RNF212B: variants seen among roughly 807,000 people sequenced by gnomAD.
The protein encoded by RNF212B is ring finger protein 212B.
A neutral mutation model predicts 55.5 loss-of-function variants in RNF212B; 52 were observed. The ratio of observed to expected loss-of-function variants is 0.94; its 90% CI spans 0.75 to 1.18. RNF212B has a LOEUF of 1.18. Ranked by LOEUF, RNF212B falls within the 50% of genes most tolerant of loss-of-function variation. The probability of loss-of-function intolerance (pLI) is 0.00; values close to 1 mark genes in which losing one functional copy is unlikely to be tolerated. For missense variants in RNF212B, 289 were observed against 350.4 expected (o/e 0.82, Z 1.40); for synonymous variants, 99 against 121.4 (o/e 0.82, Z 1.21).
intron 2 of RNF212B, among the ~76,000 whole-genome samples, chr14:23,218,990 G>C (rs1006132814): frequency 6.6e-6 from 1 of 152,204 alleles, no homozygotes; most frequent in African/African-American, 2.4e-5. Context: ...CAATATGTCT[G>C]GCAGCAGACT....
chr14:23,269,984 G>T (rs1158775760), intron 13 of RNF212B, 24 bp downstream of exon 13: 1 of 1,244,066 alleles, frequency 8.0e-7, no homozygotes, highest in Non-Finnish European at 1.2e-6. Context: ...CATTTCCAAA[G>T]GAATGGAGCT....
intron 2 of RNF212B, among the ~76,000 whole-genome samples, chr14:23,207,313 G>A (rs55813798): frequency 0.046 from 7,030 of 152,176 alleles, 550 homozygotes; most frequent in African/African-American, 0.16. Flanking sequence ...GTCTCAGGCT[G>A]TAGACTGCTC....
chr14:23,185,945 C>T (rs1036314293), intron 1 of RNF212B, among the ~76,000 whole-genome samples: 4 of 151,942 alleles, frequency 2.6e-5, no homozygotes, highest in African/African-American at 9.7e-5. Flanking sequence ...ACAAAAAATA[C>T]AAAAATTAGC....
intron 4 of RNF212B, among the ~76,000 whole-genome samples, chr14:23,248,510 C>T (rs1208306060): frequency 5.5e-5 from 8 of 145,706 alleles, no homozygotes; most frequent in African/African-American, 1.8e-4. Context: ...GGCACGATCT[C>T]GGCTCACTGC....
intron 9 of RNF212B, among the ~76,000 whole-genome samples, chr14:23,263,963 C>T: frequency 6.6e-6 from 1 of 152,046 alleles, no homozygotes; most frequent in Non-Finnish European, 1.5e-5. Flanking sequence ...TGGTGCACGC[C>T]TGTAGTCCTA....
intron 13 of RNF212B, among the ~76,000 whole-genome samples, chr14:23,270,238 T>C (rs1885977773): frequency 6.6e-6 from 1 of 152,202 alleles, no homozygotes; most frequent in Non-Finnish European, 1.5e-5. Context: ...AAAGTCCCTA[T>C]ATTGAAAATG....
At chr14:23,193,845 C>A (rs1566386322) in intron 2 of RNF212B, among the ~76,000 whole-genome samples, 1 of 151,880 alleles carries the variant, frequency 6.6e-6, no homozygotes, top group Non-Finnish European at 1.5e-5. Flanking sequence ...CATATACTAT[C>A]TTTCTTTTTT....
intron 9 of RNF212B, among the ~76,000 whole-genome samples, chr14:23,263,259 A>G (rs912563694): frequency 1.3e-5 from 2 of 152,240 alleles, no homozygotes; most frequent in Non-Finnish European, 2.9e-5. Context: ...TGAAGTCTTC[A>G]TCTCATGCTC....
intron 2 of RNF212B, among the ~76,000 whole-genome samples, chr14:23,223,850 C>T (rs1334729630): frequency 6.6e-6 from 1 of 152,076 alleles, no homozygotes; most frequent in Non-Finnish European, 1.5e-5. Context: ...CTTAAAGACT[C>T]CACCAAAAAC....
chr14:23,269,664 A>G (rs899491054), intron 12 of RNF212B, among the ~76,000 whole-genome samples, 199 bp from the exon 13 acceptor site: 2 of 151,788 alleles, frequency 1.3e-5, no homozygotes, highest in African/African-American at 4.8e-5. Context: ...GTGAGCCATG[A>G]TCATACTACT....
In RNF212B at chr14:23,197,458, C is replaced by T. The variant is rs145441464; in HGVS notation, c.-2+4057C>T. The stretch of plus-strand genomic sequence containing the variant: ...ATGAGAATTGCTTGAACCCGGGAGG[C>T]GGAGGTTGCAGTGAGCTGAGATCAT... On this transcript the variant is annotated intron_variant, in intron 2 of 15. Coordinates refer to the RNF212B transcript ENST00000399910. Among the ~76,000 whole-genome samples the T allele has an allele frequency of 9.3e-3, 1,412 of 152,192 alleles. 11 individuals carry two copies. Among genetic ancestry groups the T allele is most frequent in the South Asian group, 0.045 (219 of 4,822 alleles).
chr14:23,257,552 G>A (rs17256134), intron 4 of RNF212B, among the ~76,000 whole-genome samples: 25,717 of 152,082 alleles, frequency 0.17, 2,509 homozygotes, highest in South Asian at 0.25. Flanking sequence ...TCTAGGAAAG[G>A]ACCCTAGACA....
At chr14:23,242,091 A>C (rs1396092923) in intron 2 of RNF212B, among the ~76,000 whole-genome samples, 112 of 128,276 alleles carry the variant, frequency 8.7e-4, no homozygotes, top group Admixed American at 1.5e-3. Context: ...CAAAAAAAAA[A>C]AAAAAAAAAA....
intron 2 of RNF212B, among the ~76,000 whole-genome samples, chr14:23,213,530 T>C (rs527262473): frequency 3.9e-5 from 6 of 152,162 alleles, no homozygotes; most frequent in Non-Finnish European, 7.3e-5. Flanking sequence ...CACATTCTCC[T>C]GTCCCTCTGG....
At chr14:23,217,261 G>C (rs201058706) in intron 2 of RNF212B, among the ~76,000 whole-genome samples, 1 of 145,506 alleles carries the variant, frequency 6.9e-6, no homozygotes, top group African/African-American at 2.5e-5. Context: ...GTGGTGGGGG[G>C]GGGGCTCCTC....
At chr14:23,225,705 CA>C (rs545133264) in intron 2 of RNF212B, among the ~76,000 whole-genome samples, 1 of 150,250 alleles carries the variant, frequency 6.7e-6, no homozygotes, top group African/African-American at 2.4e-5. Flanking sequence ...TAATGCATAC[CA>C]AAAAAAATAG....
intron 4 of RNF212B, among the ~76,000 whole-genome samples, chr14:23,254,832 C>T (rs1197284888): frequency 6.6e-6 from 1 of 152,196 alleles, no homozygotes; most frequent in African/African-American, 2.4e-5. Flanking sequence ...TCAGTTATTT[C>T]TCCTTTACTC....
At chr14:23,259,076 C>T (rs1440955026) in intron 5 of RNF212B, among the ~76,000 whole-genome samples, 4 of 152,012 alleles carry the variant, frequency 2.6e-5, no homozygotes, top group African/African-American at 7.2e-5. Context: ...CCTGTAGTCC[C>T]AGCTACTTGG....
intron 2 of RNF212B, among the ~76,000 whole-genome samples, chr14:23,220,597 A>T (rs1298737729): frequency 6.6e-6 from 1 of 151,828 alleles, no homozygotes; most frequent in Non-Finnish European, 1.5e-5. Context: ...AGGCTGAGGC[A>T]GGTGGATCAC....
Sources: gnomAD v4.1 joint callset for allele counts (sites outside exome capture counted in the v4.1 genomes callset) on GRCh38, gnomAD v4.1.1 for gene constraint, MANE v1.5 for transcripts, NCBI Gene and HGNC (gene_info 2026-07-23, HGNC 2026-07-21) for gene names.